The following IRX4 variants were observed in gnomAD, a reference collection of about 807,000 sequenced individuals.
IRX4 encodes iroquois-class homeodomain protein IRX-4.
Under a neutral mutation model 32.0 loss-of-function variants are expected in IRX4, and 22 were observed. That is an observed-to-expected ratio of 0.69 (90% confidence interval 0.49 to 0.98). The LOEUF is 0.98. IRX4 is among the 50% of genes least tolerant of loss of function. The pLI is 0.00. For synonymous variants in IRX4, 379 were observed against 351.7 expected (o/e 1.08, Z -0.87); for missense variants, 840 against 744.2 (o/e 1.13, Z -1.50).
chr5:1,880,018 C>G lies in IRX4; in HGVS notation c.408-186G>C, dbSNP rs150664023. On this transcript the variant is annotated intron_variant, in intron 3 of 4. Coordinates refer to ENST00000231357, the MANE Select transcript of IRX4 (RefSeq NM_016358.3). ...AACCAGGTGCCGCTGCCTGCTGGCA[C>G]TTGTCTTCTGTGGCCAAAGGGCAAA... The G allele has an allele frequency of 1.4e-3, 2,102 of 1,515,730 alleles. 37 individuals are homozygous for G. Among genetic ancestry groups the G allele is most frequent in the East Asian group, 2.9e-3 (119 of 40,630 alleles). 93.9% of individuals were successfully genotyped at this position (1,515,730 alleles called of 1,614,324 possible).
At position 1,877,864 on chromosome 5, in the gene IRX4, C is replaced by T. The variant is rs892326436; in HGVS notation, c.*105G>A. 4.2e-5 allele frequency: 45 copies of T among 1,081,496 alleles called. No individual in the cohort carries two copies. In the African/African-American group the frequency reaches 6.3e-4, roughly 15 times the overall value. 67.0% of individuals were successfully genotyped at this position (1,081,496 alleles called of 1,614,324 possible). On this transcript the variant is annotated 3_prime_UTR_variant, in exon 5 of 5. Coordinates refer to ENST00000231357, the MANE Select transcript of IRX4 (RefSeq NM_016358.3). ...AGAAGCCCCCTCTCCGGTGGGTTGG[C>T]GGCTTCGCGGTGGCCGCGCTAGTCT...
upstream of IRX4, chr5:1,887,017 T>C (rs1735653927): frequency 6.7e-6 from 1 of 150,262 alleles, no homozygotes; most frequent in African/African-American, 2.4e-5. Flanking sequence ...GGGGGAGGGG[T>C]CTCGGAACCC....
rs530911056 is a variant in IRX4, at chr5:1,877,460, T to C, written c.*509A>G. 1 of 153,770 alleles carries C rather than the reference T, an allele frequency of 6.5e-6. No homozygotes were observed. The highest frequency in any genetic ancestry group is 2.1e-4 in the South Asian group (1 of 4,860). The allele number at this position is 153,770 out of a possible 1,614,324, so 9.5% of individuals were successfully genotyped here. ...CTCGGTTTTATTGGTTTTGTTATATTAGCCTCTGAAGCAGGCAATTATTGG... is the reference window on the plus strand; with the variant it reads ...CTCGGTTTTATTGGTTTTGTTATATCAGCCTCTGAAGCAGGCAATTATTGG... On this transcript the variant is annotated 3_prime_UTR_variant, in exon 5 of 5. Transcript: ENST00000231357.
At chr5:1,881,070 CGGGG>C in intron 2 of IRX4, 1 of 90,848 alleles carries the variant, frequency 1.1e-5, no homozygotes. Flanking sequence ...TGGGGGGGGG[CGGGG>C]GGGAGGAGGT....
chr5:1,878,553 A>G lies in IRX4; in HGVS notation c.976T>C (p.Cys326Arg), dbSNP rs1402787228. ...GGCCCGGCCGCCGCGCTGCGGAGAC[A>G]GCTCCGGGCCCTCTCCAGGTCCTCG... ...LDEDLERARS[C>R]LRSAAAGPEP... Residue 326 changes from cysteine to arginine, a missense_variant, in exon 5 of 5, where the codon TGT becomes CGT. By Grantham distance (180) the Cys-to-Arg change is radical (BLOSUM62 -3). Coordinates refer to ENST00000231357, the MANE Select transcript of IRX4 (RefSeq NM_016358.3). 1 of 1,511,994 alleles carries G rather than the reference A, an allele frequency of 6.6e-7. No individual in the cohort carries two copies. Among genetic ancestry groups the G allele is most frequent in the African/African-American group, 1.4e-5 (1 of 70,034 alleles). The allele number at this position is 1,511,994 out of a possible 1,614,324, so 93.7% of individuals were successfully genotyped here. A position where few individuals can be genotyped will look rare whatever the true frequency, so the allele number is the denominator to read the frequency against.
intron 4 of IRX4, 56 bp downstream of exon 4, chr5:1,879,448 A>G: frequency 6.2e-7 from 1 of 1,611,534 alleles, no homozygotes; most frequent in Admixed American, 1.7e-5. Context: ...ACCGCAGAGA[A>G]GGCACTGTGC....
intron 2 of IRX4, 74 bp downstream of exon 2, chr5:1,881,734 G>A: frequency 1.3e-5 from 20 of 1,528,346 alleles, no homozygotes; most frequent in Non-Finnish European, 1.7e-5. Context: ...GGACTGGCGC[G>A]CCTACTGGGG....
chr5:1,878,785 C>T lies in IRX4; in HGVS notation c.744G>A (p.Val248=). Residue 248 remains valine (V), a synonymous_variant, in exon 5 of 5, where the codon GTG becomes GTA. Coordinates refer to ENST00000231357, the MANE Select transcript of IRX4 (RefSeq NM_016358.3). ...PLKSSKNAEP[V]GKEEKELELS... ...GCTCCAGCTCCTTCTCCTCTTTGCC[C>T]ACGGGCTCTGCGGGAGAGAATGCGT... 1 of 1,613,240 alleles carries T rather than the reference C, an allele frequency of 6.2e-7. No individual in the cohort carries two copies. The highest frequency in any genetic ancestry group is 8.5e-7 in the Non-Finnish European group (1 of 1,179,872).
chr5:1,882,591 G>A lies in IRX4; in HGVS notation c.45+12C>T. ...ACCTGCGGTGGCCTGGGCGGGGCGG[G>A]GCTCCGCTTACCTGGGGAGCCGAGG... On this transcript the variant is annotated intron_variant, in intron 1 of 4. Transcript: ENST00000231357. 1 of 1,485,462 alleles carries A rather than the reference G, an allele frequency of 6.7e-7. No homozygotes were observed. Among genetic ancestry groups the A allele is most frequent in the South Asian group, 1.3e-5 (1 of 75,952 alleles). 92.0% of individuals were successfully genotyped at this position (1,485,462 alleles called of 1,614,324 possible).
chr5:1,883,799 C>G (rs951614600), upstream of IRX4, among the ~76,000 whole-genome samples: 7 of 152,234 alleles, frequency 4.6e-5, no homozygotes, highest in Non-Finnish European at 7.3e-5. Context: ...CCCCCTGCCC[C>G]TCGCGGCTAA....
At chr5:1,881,320 GGGGGGAGGAGCAAGGGT>G (rs1300108351) in intron 2 of IRX4, among the ~76,000 whole-genome samples, 7 of 123,596 alleles carry the variant, frequency 5.7e-5, no homozygotes, top group African/African-American at 9.7e-5. Flanking sequence ...GGCGCAAGGC[GGGGGGAGGAGCAAGGGT>G]GGGGGAGGAG....
intron 3 of IRX4, chr5:1,880,101 C>A (rs1300564616): frequency 6.5e-7 from 1 of 1,535,638 alleles, no homozygotes; most frequent in Admixed American, 2.0e-5. Context: ...CAGAGAGGTC[C>A]AGGCCAATTC....
At chr5:1,879,427 G>T (rs1735343893) in intron 4 of IRX4, 77 bp downstream of exon 4, 1 of 1,599,026 alleles carries the variant, frequency 6.3e-7, no homozygotes. Context: ...GGACCCCCAA[G>T]ACGTCCTAGA....
Position 1,878,341 on chromosome 5 carries a change from C to T in IRX4, c.1188G>A (p.Lys396=), listed in dbSNP as rs747086698. Residue 396 remains lysine, a synonymous_variant, in exon 5 of 5, where the codon AAG becomes AAA. Transcript: ENST00000231357. ...SQTEFPSCML[K]RQGPAAPAAV... is the part of the protein sequence containing the mutation. The stretch of plus-strand genomic sequence containing the variant: ...CCGCAGGGGCCGCGGGACCTTGGCG[C>T]TTGAGCATGCACGACGGAAACTCAG... 3 of 1,546,526 alleles carry T rather than the reference C, an allele frequency of 1.9e-6. No homozygotes were observed. The highest frequency in any genetic ancestry group is 2.4e-5 in the South Asian group (2 of 84,094).
upstream of IRX4, chr5:1,883,967 T>G (rs111401961): frequency 6.6e-6 from 1 of 152,368 alleles, no homozygotes; most frequent in African/African-American, 2.4e-5. Flanking sequence ...CCCCTGTCCA[T>G]TTTGCCCAGC....
rs1735239151 is a variant in IRX4 at position 1,877,544 on chromosome 5, C to G, written c.*425G>C. 1 of 197,438 alleles carries G rather than the reference C, an allele frequency of 5.1e-6. No individual in the cohort carries two copies. The highest frequency in any genetic ancestry group is 2.4e-5 in the African/African-American group (1 of 42,552). 12.2% of individuals were successfully genotyped at this position (197,438 alleles called of 1,614,324 possible). A position where few individuals can be genotyped will look rare whatever the true frequency, so the allele number is the denominator to read the frequency against. On this transcript the variant is annotated 3_prime_UTR_variant, in exon 5 of 5. Transcript: ENST00000231357. ...GGAGTCAAGAGTGTGCAAGAGTCAACTCAGTGCAAGTGCTGTTGGTGAGCA... is the reference window on the plus strand; with the variant it reads ...GGAGTCAAGAGTGTGCAAGAGTCAAGTCAGTGCAAGTGCTGTTGGTGAGCA...
intron 2 of IRX4, 67 bp downstream of exon 2, chr5:1,881,741 G>C (rs1390684262): frequency 6.5e-7 from 1 of 1,541,856 alleles, no homozygotes; most frequent in Non-Finnish European, 8.8e-7. Flanking sequence ...CGCGCCTACT[G>C]GGGCAAAAGT....
At chr5:1,886,676 C>T (rs531673828), upstream of IRX4, among the ~76,000 whole-genome samples, 1 of 152,220 alleles carries the variant, frequency 6.6e-6, no homozygotes, top group African/African-American at 2.4e-5. Context: ...TCCGGGCGTC[C>T]AGGACTCAGG....
intron 3 of IRX4, 140 bp downstream of exon 3, chr5:1,880,585 C>T: frequency 1.6e-6 from 1 of 632,716 alleles, no homozygotes; most frequent in Non-Finnish European, 2.8e-6. Flanking sequence ...ACCACAGACT[C>T]AGGTCATGCC....
Sources: gnomAD v4.1 joint callset for allele counts (sites outside exome capture counted in the v4.1 genomes callset) on GRCh38, gnomAD v4.1.1 for gene constraint, MANE v1.5 for transcripts, NCBI Gene and HGNC (gene_info 2026-07-23, HGNC 2026-07-21) for gene names.